The following GAL variants were observed in gnomAD, a reference collection of about 807,000 sequenced individuals.
The protein encoded by GAL is galanin peptides.
GAL carries 14 observed loss-of-function variants against 15.8 expected under a neutral mutation model. The ratio of observed to expected loss-of-function variants is 0.89; its 90% CI spans 0.59 to 1.39. The LOEUF is 1.39. Ranked by LOEUF, GAL falls within the 40% of genes most tolerant of loss-of-function variation. GAL has a pLI of 0.00. For synonymous variants in GAL, 79 were observed against 73.8 expected, an observed-to-expected ratio of 1.07 and a Z score of -0.36; for missense variants, 176 against 170.4, an observed-to-expected ratio of 1.03 and a Z score of -0.18.
intron 1 of GAL, 32 bp downstream of exon 1, chr11:68,684,764 C>G (rs1253535928): frequency 3.8e-6 from 2 of 523,886 alleles, no homozygotes; most frequent in African/African-American, 4.1e-5. Flanking sequence ...CCCTGCGCCC[C>G]CGGGAGGCCT....
chr11:68,689,576 T>C (rs1945886848), intron 5 of GAL, among the ~76,000 whole-genome samples: 1 of 152,156 alleles, frequency 6.6e-6, no homozygotes, highest in African/African-American at 2.4e-5. Flanking sequence ...TTTGTATTTT[T>C]AGTAGAGGCT....
Position 68,688,908 on chromosome 11 carries a change from T to C in GAL, c.283T>C (p.Ser95Pro). The change falls in exon 5 of 6, where the codon TCT becomes CCT. Residue 95 changes from serine (S) to proline (P), a missense_variant. Coordinates refer to ENST00000265643, the MANE Select transcript of GAL (RefSeq NM_015973.5). ...CATGCGCACAATCATTGAGTTTCTG[T>C]CTTTCTTGCATCTCAAAGGTATGTG... ...NIMRTIIEFL[S>P]FLHLKEAGAL... 6.5e-7 allele frequency: 1 copy of C among 1,535,718 alleles called. No individual in the cohort carries two copies. The highest frequency in any genetic ancestry group is 1.1e-5 in the South Asian group (1 of 89,420).
chr11:68,685,027 C>CCGAG, intron 2 of GAL, 23 bp downstream of exon 2: 1 of 1,518,592 alleles, frequency 6.6e-7, no homozygotes, highest in Non-Finnish European at 9.0e-7. Context: ...CGCGTCTCCT[C>CCGAG]CGAGCGAAGG....
chr11:68,686,895 T>C (rs566815679), intron 3 of GAL, among the ~76,000 whole-genome samples: 1 of 152,366 alleles, frequency 6.6e-6, no homozygotes, highest in South Asian at 2.1e-4. Context: ...GAAAATCTAT[T>C]TGTCAAGAAG....
At chr11:68,685,376 G>A (rs1271196694) in intron 2 of GAL, among the ~76,000 whole-genome samples, 1 of 152,260 alleles carries the variant, frequency 6.6e-6, no homozygotes, top group South Asian at 2.1e-4. Context: ...CTGAGAGTGC[G>A]CGGGCTCAGG....
chr11:68,685,600 G>T lies in GAL; in HGVS notation c.88G>T (p.Glu30Ter), dbSNP rs749701826. The T allele has an allele frequency of 6.2e-7, 1 of 1,613,302 alleles. No individual in the cohort carries two copies. Among genetic ancestry groups the T allele is most frequent in the East Asian group, 2.2e-5 (1 of 44,858 alleles). Residue 30 changes from glutamate to a stop codon, truncating the protein, a stop_gained, in exon 3 of 6, where the codon GAA (glutamate) becomes TAA (stop). Coordinates refer to ENST00000265643, the MANE Select transcript of GAL (RefSeq NM_015973.5). LOFTEE classifies it high-confidence loss of function. ...ASAGLWSPAK[E>*]KRGWTLNSAG... ...CCCCTTTTCTCCCTTCAAGGCCAAG[G>T]AAAAACGAGGCTGGACCCTGAACAG...
Position 68,688,002 on chromosome 11 carries a change from A to T in GAL, c.137-12A>T. On this transcript the variant is annotated splice_polypyrimidine_tract_variant and intron_variant, in intron 3 of 5. Coordinates refer to ENST00000265643, the MANE Select transcript of GAL (RefSeq NM_015973.5). ...TCACACCCAGAGGCTTTCCTCTCTG[A>T]TCTGCAAACAGATGCCGTTGGCAAC... 1 of 1,587,332 alleles carries T rather than the reference A, an allele frequency of 6.3e-7. No homozygotes were observed. The highest frequency in any genetic ancestry group is 2.2e-5 in the East Asian group (1 of 44,740).
rs947027406 is a variant in GAL at position 68,686,640 on chromosome 11, G to A, written c.136+992G>A. ...AAACAGACACGGGGATGACAGAGCC[G>A]CCTGAGGCCGCGTGCGGATCGGTCC... On this transcript the variant is annotated intron_variant, in intron 3 of 5. Transcript: ENST00000265643. 3.9e-5 allele frequency among the ~76,000 whole-genome samples: 6 copies of A among 152,298 alleles called. No homozygotes were observed. In the East Asian group the frequency reaches 5.8e-4, roughly 15 times the overall value.
intron 4 of GAL, among the ~76,000 whole-genome samples, chr11:68,688,610 C>T (rs1232144067): frequency 1.3e-5 from 2 of 152,170 alleles, no homozygotes; most frequent in African/African-American, 4.8e-5. Flanking sequence ...GCCTAGGCAA[C>T]AGAGTGAGAC....
intron 1 of GAL, 96 bp downstream of exon 1, chr11:68,684,828 C>A (rs573810529): frequency 4.1e-6 from 3 of 728,518 alleles, no homozygotes; most frequent in Admixed American, 2.2e-5. Context: ...CTGGCCCGGC[C>A]GCCGCCTCTG....
Position 68,689,005 on chromosome 11 carries a change from T to G in GAL, c.301+79T>G, listed in dbSNP as rs900249737. ...AAAGGCCCATCGAGAAGAGAACCCA[T>G]AGAATCCCCCTGGGAAGTAGCCGAT... On this transcript the variant is annotated intron_variant, in intron 5 of 5. Coordinates refer to ENST00000265643, the MANE Select transcript of GAL (RefSeq NM_015973.5). 1.7e-5 allele frequency: 13 copies of G among 746,352 alleles called. No homozygotes were observed. In the African/African-American group the frequency reaches 2.1e-4, roughly 12 times the overall value. The allele number at this position is 746,352 out of a possible 1,614,324, so 46.2% of individuals were successfully genotyped here.
intron 5 of GAL, among the ~76,000 whole-genome samples, 193 bp downstream of exon 5, chr11:68,689,119 C>T (rs948170625): frequency 9.2e-5 from 14 of 152,066 alleles, no homozygotes; most frequent in Non-Finnish European, 1.2e-4. Context: ...GCTGGGATTG[C>T]GGCAGGGGCA....
intron 3 of GAL, among the ~76,000 whole-genome samples, chr11:68,686,244 C>T (rs1163922645): frequency 6.6e-6 from 1 of 152,104 alleles, no homozygotes; most frequent in Non-Finnish European, 1.5e-5. Flanking sequence ...CTCCCCGTGT[C>T]CGCCCCCGCC....
intron 4 of GAL, among the ~76,000 whole-genome samples, chr11:68,688,423 G>A (rs531995812): frequency 5.9e-5 from 9 of 152,366 alleles, no homozygotes; most frequent in African/African-American, 1.7e-4. Flanking sequence ...GAGGTCTGGA[G>A]TTCAAGACCA....
At chr11:68,688,794 G>A in intron 4 of GAL, 55 bp from the exon 5 acceptor site, 1 of 857,276 alleles carries the variant, frequency 1.2e-6, no homozygotes, top group Non-Finnish European at 2.0e-6. Flanking sequence ...GGGATGACCT[G>A]AGACACTGAA....
intron 3 of GAL, among the ~76,000 whole-genome samples, chr11:68,686,805 C>A (rs900814716): frequency 6.6e-6 from 1 of 152,206 alleles, no homozygotes; most frequent in African/African-American, 2.4e-5. Flanking sequence ...CAGAGGGCAC[C>A]TCATCTTTGT....
intron 5 of GAL, 70 bp downstream of exon 5, chr11:68,688,996 G>C: frequency 1.3e-6 from 1 of 782,118 alleles, no homozygotes; most frequent in Non-Finnish European, 2.3e-6. Flanking sequence ...CCATCGAGAA[G>C]AGAACCCATA....
At chr11:68,690,600 GT>G (rs982827349) in intron 5 of GAL, among the ~76,000 whole-genome samples, 2 of 152,054 alleles carry the variant, frequency 1.3e-5, no homozygotes, top group African/African-American at 4.8e-5. Flanking sequence ...CTAGATTTTT[GT>G]TTTTCATTTG....
At chr11:68,690,863 C>G in intron 5 of GAL, 54 bp from the exon 6 acceptor site, 1 of 1,114,726 alleles carries the variant, frequency 9.0e-7, no homozygotes, top group Non-Finnish European at 1.4e-6. Context: ...GGTTGTAATT[C>G]TCTCATGTGC....
Sources: gnomAD v4.1 joint callset for allele counts (sites outside exome capture counted in the v4.1 genomes callset) on GRCh38, gnomAD v4.1.1 for gene constraint, MANE v1.5 for transcripts, NCBI Gene and HGNC (gene_info 2026-07-23, HGNC 2026-07-21) for gene names.